CTNND1: variants seen among roughly 807,000 people sequenced by gnomAD.
The protein encoded by CTNND1 is catenin delta-1.
A neutral mutation model predicts 112.1 loss-of-function variants in CTNND1; 16 were observed. The ratio of observed to expected loss-of-function variants is 0.14; its 90% CI spans 0.10 to 0.22. The LOEUF (loss-of-function observed/expected upper bound fraction) is 0.22, where lower values mean the gene tolerates loss of function less well. Among genes scored for constraint, CTNND1 ranks in the 10% least tolerant of loss-of-function variants. The pLI is 1.00. For missense variants in CTNND1, 1,008 were observed against 1,257.0 expected (o/e 0.80, Z 3.00); for synonymous variants, 420 against 446.5 (o/e 0.94, Z 0.75).
intron 1 of CTNND1, among the ~76,000 whole-genome samples, chr11:57,762,528 T>C (rs529903402): frequency 6.6e-6 from 1 of 152,322 alleles, no homozygotes; most frequent in Admixed American, 6.5e-5. Context: ...TTTTTTTTCT[T>C]TTATCATTGG....
In CTNND1 at chr11:57,791,635, C is replaced by A. The variant is rs779472469; in HGVS notation, c.157C>A (p.Pro53Thr). ...RVRVSPQDANPLMANGTLTRR... is the reference protein window; with the variant it reads ...RVRVSPQDANTLMANGTLTRR... The stretch of plus-strand genomic sequence containing the variant: ...CCGGGTCTCACCACAAGATGCCAAC[C>A]CACTCATGGCCAACGGCACACTCAC... Residue 53 changes from proline to threonine, a missense_variant, in exon 3 of 21, where the codon CCA becomes ACA. By Grantham distance (38) the Pro-to-Thr change is conservative. This residue lies in a region of CTNND1 where 404 missense variants were observed against 457.9 expected (regional missense o/e 0.88). Transcript: ENST00000399050. 1.9e-6 allele frequency: 3 copies of A among 1,593,860 alleles called. No individual in the cohort carries two copies. The South Asian group carries it at 3.4e-5, about 18-fold the overall frequency.
chr11:57,794,118 A>G, intron 4 of CTNND1, 37 bp downstream of exon 4: 1 of 1,578,026 alleles, frequency 6.3e-7, no homozygotes, highest in South Asian at 1.1e-5. Context: ...TGCTTCATTC[A>G]TATTTTCTTA....
intron 1 of CTNND1, among the ~76,000 whole-genome samples, chr11:57,784,553 G>C (rs2059937442): frequency 6.6e-6 from 1 of 152,014 alleles, no homozygotes; most frequent in Non-Finnish European, 1.5e-5. Flanking sequence ...ATCCAGGCTG[G>C]AGTGCAGTGG....
At position 57,811,462 on chromosome 11, in the gene CTNND1, C is replaced by G; in HGVS notation, c.2614C>G (p.Leu872Val). Residue 872 changes from leucine to valine, a missense_variant, in exon 17 of 21, where the codon CTC becomes GTC. This residue lies in a region of CTNND1 where 28 missense variants were observed against 60.6 expected (regional missense o/e 0.46). Transcript: ENST00000399050. ...SHSYDDSTLPLIDRNQKSDKK... is the reference protein window; with the variant it reads ...SHSYDDSTLPVIDRNQKSDKK... The stretch of plus-strand genomic sequence containing the variant: ...TTCATATGATGATAGTACTCTCCCT[C>G]TCATTGACCGGAACCAAAAATCAGG... The G allele has an allele frequency of 2.5e-6, 4 of 1,613,380 alleles. No homozygotes were observed. The highest frequency in any genetic ancestry group is 3.4e-6 in the Non-Finnish European group (4 of 1,179,660).
At position 57,810,255 on chromosome 11, in the gene CTNND1, T is replaced by G. The variant is rs759445055; in HGVS notation, c.2550+32T>G. On this transcript the variant is annotated intron_variant, in intron 16 of 20. Coordinates refer to ENST00000399050, the MANE Select transcript of CTNND1 (RefSeq NM_001085458.2). ...TAACTTTTGAGACCAAGACTTTTAC[T>G]TTTTTTTTCTTGGTCCCAGGATAAT... is the stretch of plus-strand genomic sequence containing the variant. The G allele has an allele frequency of 1.8e-5, 25 of 1,411,170 alleles. No homozygotes were observed. The East Asian group carries it at 5.5e-4, about 31-fold the overall frequency. 87.4% of individuals were successfully genotyped at this position (1,411,170 alleles called of 1,614,324 possible). A position where few individuals can be genotyped will look rare whatever the true frequency, so the allele number is the denominator to read the frequency against.
intron 1 of CTNND1, among the ~76,000 whole-genome samples, chr11:57,779,082 G>A (rs1026285596): frequency 1.1e-4 from 17 of 152,304 alleles, no homozygotes; most frequent in African/African-American, 3.6e-4. Context: ...AGGAATTCTA[G>A]AAGGAAATAA....
chr11:57,807,685 A>C (rs2062875576), intron 12 of CTNND1, among the ~76,000 whole-genome samples: 1 of 152,068 alleles, frequency 6.6e-6, no homozygotes, highest in African/African-American at 2.4e-5. Flanking sequence ...TATATTCATC[A>C]ATACAGTGAG....
intron 16 of CTNND1, among the ~76,000 whole-genome samples, chr11:57,811,048 C>G (rs1190455573): frequency 6.6e-6 from 1 of 152,114 alleles, no homozygotes; most frequent in Non-Finnish European, 1.5e-5. Flanking sequence ...TCAGGTATCC[C>G]TCTATGTCAT....
In CTNND1 at chr11:57,799,979, G is replaced by GTTTT. The variant is rs1157141511; in HGVS notation, c.957-1731_957-1728dup. ...TCTAAGCTATTCATTTTGTTTCCGT[G>GTTTT]TTTTTTTTTTTTTTTTTTTTTTTTT... On this transcript the variant is annotated intron_variant, in intron 6 of 20. Transcript: ENST00000399050. Among the ~76,000 whole-genome samples the GTTTT allele has an allele frequency of 2.6e-3, 154 of 58,866 alleles. 27 individuals are homozygous for GTTTT. Among genetic ancestry groups the GTTTT allele is most frequent in the Non-Finnish European group, 3.7e-3 (122 of 32,568 alleles). 38.6% of individuals were successfully genotyped at this position (58,866 alleles called of 152,430 possible).
At chr11:57,776,847 G>GC (rs1300463812) in intron 1 of CTNND1, among the ~76,000 whole-genome samples, 1 of 152,156 alleles carries the variant, frequency 6.6e-6, no homozygotes, top group Non-Finnish European at 1.5e-5. Flanking sequence ...TGGATTAGCA[G>GC]CATTGATGTG....
At chr11:57,785,364 G>A (rs1012021801) in intron 1 of CTNND1, among the ~76,000 whole-genome samples, 4 of 152,140 alleles carry the variant, frequency 2.6e-5, no homozygotes, top group African/African-American at 7.2e-5. Context: ...CTGCAGTTTC[G>A]AGTGGTTGAT....
intron 1 of CTNND1, among the ~76,000 whole-genome samples, chr11:57,769,152 C>CAAA (rs1265014936): frequency 1.6e-4 from 22 of 134,186 alleles, no homozygotes; most frequent in Admixed American, 4.5e-4. Flanking sequence ...ACTAAAGATA[C>CAAA]AAAAAAAAAA....
intron 2 of CTNND1, among the ~76,000 whole-genome samples, chr11:57,790,602 G>A (rs2060626778): frequency 7.6e-6 from 1 of 132,010 alleles, no homozygotes; most frequent in African/African-American, 2.9e-5. Flanking sequence ...CTGTCGCCTA[G>A]GCTGGAGTGC....
chr11:57,798,941 TAAG>T (rs1319415106), intron 6 of CTNND1, among the ~76,000 whole-genome samples: 1 of 152,220 alleles, frequency 6.6e-6, no homozygotes, highest in Non-Finnish European at 1.5e-5. Context: ...AGAGAAATGA[TAAG>T]AAACAAGGGA....
rs11570196 is a variant in CTNND1, at chr11:57,797,124, G to T, written c.956+132G>T. ...CTCCTCCCCTCTGCTTTTTTTTGGGGTGAAAAGCTACCCTGTTTTTCCCTT... is the reference window on the plus strand; with the variant it reads ...CTCCTCCCCTCTGCTTTTTTTTGGGTTGAAAAGCTACCCTGTTTTTCCCTT... On this transcript the variant is annotated intron_variant, in intron 6 of 20. Coordinates refer to ENST00000399050, the MANE Select transcript of CTNND1 (RefSeq NM_001085458.2). 22,550 of 637,424 alleles carry T rather than the reference G, an allele frequency of 0.035. 513 individuals are homozygous for T. Among genetic ancestry groups the T allele is most frequent in the Middle Eastern group, 0.056 (117 of 2,108 alleles). 39.5% of individuals were successfully genotyped at this position (637,424 alleles called of 1,614,324 possible).
rs200412123 is a variant in CTNND1, at chr11:57,796,978, T to A, written c.942T>A (p.Pro314=). Residue 314 remains proline (P), a synonymous_variant, in exon 6 of 21, where the codon CCT becomes CCA. Transcript: ENST00000399050. ...TARRTGTPSD[P]RRRLRSYEDM... is the part of the protein sequence containing the mutation. ...GTCGGACTGGGACACCCTCTGACCC[T>A]CGTCGGCGCCTCAGGTAGGCAAGAA... The A allele has an allele frequency of 1.3e-4, 189 of 1,473,022 alleles. No individual in the cohort carries two copies. In the African/African-American group the frequency reaches 2.3e-3, roughly 18 times the overall value. The allele number at this position is 1,473,022 out of a possible 1,614,324, so 91.2% of individuals were successfully genotyped here.
chr11:57,797,495 T>C (rs1210390643), intron 6 of CTNND1, among the ~76,000 whole-genome samples: 2 of 142,586 alleles, frequency 1.4e-5, no homozygotes, highest in Admixed American at 6.9e-5. Flanking sequence ...CCTCCAAAAG[T>C]GCTGGGATTA....
At chr11:57,798,769 C>A (rs2061661096) in intron 6 of CTNND1, among the ~76,000 whole-genome samples, 1 of 152,160 alleles carries the variant, frequency 6.6e-6, no homozygotes. Flanking sequence ...CCACGTAGAA[C>A]TATTTTAGGC....
chr11:57,791,207 G>A (rs1804899116), intron 2 of CTNND1, among the ~76,000 whole-genome samples, 178 bp from the exon 3 acceptor site: 1 of 152,214 alleles, frequency 6.6e-6, no homozygotes, highest in Non-Finnish European at 1.5e-5. Context: ...AAGAAAGCTA[G>A]TGGGCAAAGG....
Sources: allele counts gnomAD v4.1 joint callset (sites outside exome capture counted in the v4.1 genomes callset), GRCh38; gene constraint gnomAD v4.1.1; regional missense constraint gnomAD v4.1.1; transcripts MANE v1.5; gene names NCBI Gene and HGNC (gene_info 2026-07-23, HGNC 2026-07-21).